The following ZFX variants were observed in gnomAD, a reference collection of about 807,000 sequenced individuals.
ZFX encodes the protein zinc finger protein X-linked.
For missense variants in ZFX, 362 were observed against 628.3 expected (o/e 0.58, Z 4.53); for synonymous variants, 196 against 226.8 (o/e 0.86, Z 1.22).
At chrX:24,172,845 A>C (rs1309112091) in intron 4 of ZFX, 45 bp downstream of exon 4, 14 of 1,125,472 alleles carry the variant, frequency 1.2e-5, no homozygotes, top group Non-Finnish European at 1.7e-5. Flanking sequence ...CCAGATTTGG[A>C]GTTGGTTGTC....
In ZFX at chrX:24,172,627, G is replaced by A. The variant is rs143088021; in HGVS notation, c.-28-88G>A. 7.3e-4 allele frequency: 446 copies of A among 614,999 alleles called. 1 individual carries two copies. In the East Asian group the frequency reaches 0.017, roughly 23 times the overall value. The allele number at this position is 614,999 out of a possible 1,213,427, so 50.7% of individuals were successfully genotyped here. A position where few individuals can be genotyped will look rare whatever the true frequency, so the allele number is the denominator to read the frequency against. On this transcript the variant is annotated intron_variant, in intron 3 of 9. Coordinates refer to ENST00000304543, the MANE Select transcript of ZFX (RefSeq NM_003410.4). ...CACATTTATCTTTCACATAATTTGA[G>A]TGTCTCAGAAATGAAACTATCATGA...
At position 24,188,959 on chromosome X, in the gene ZFX, T is replaced by C. The variant is rs1450994913; in HGVS notation, c.646+9189T>C. Among the ~76,000 whole-genome samples, 19 of 111,067 alleles carry C rather than the reference T, an allele frequency of 1.7e-4. No homozygotes were observed. The Admixed American group carries it at 1.8e-3, about 11-fold the overall frequency. On this transcript the variant is annotated intron_variant, in intron 5 of 9. Coordinates refer to ENST00000304543, the MANE Select transcript of ZFX (RefSeq NM_003410.4). ...TTCAAGCGATTCTACTGCCTCAGCC[T>C]CCCGAGTAGCTGGGACTACAAGTGC...
At chrX:24,204,018 G>A (rs1937477259) in intron 5 of ZFX, among the ~76,000 whole-genome samples, 1 of 112,162 alleles carries the variant, frequency 8.9e-6, no homozygotes, top group African/African-American at 3.2e-5. Flanking sequence ...ATCAACAAGT[G>A]CATTTTTAAG....
At chrX:24,201,070 TTGTC>T (rs774056436) in intron 5 of ZFX, among the ~76,000 whole-genome samples, 18 of 112,252 alleles carry the variant, frequency 1.6e-4, no homozygotes, top group African/African-American at 5.2e-4. Context: ...GAAGCCTTCT[TTGTC>T]TGTTTTTAGA....
rs1938113213 is a variant in ZFX, at chrX:24,211,907, T to C, written c.*531T>C. 8.8e-6 allele frequency: 1 copy of C among 113,676 alleles called. No homozygotes were observed. Among genetic ancestry groups the C allele is most frequent in the Non-Finnish European group, 1.9e-5 (1 of 53,948 alleles). The allele number at this position is 113,676 out of a possible 1,213,427, so 9.4% of individuals were successfully genotyped here. A position where few individuals can be genotyped will look rare whatever the true frequency, so the allele number is the denominator to read the frequency against. Reference sequence around the variant, plus strand: ...TTAATATTTTCAGACCACTTGACAGTGAAAGTTTCCATTTGAGCTGTTGCG... The same window carrying C: ...TTAATATTTTCAGACCACTTGACAGCGAAAGTTTCCATTTGAGCTGTTGCG... On this transcript the variant is annotated 3_prime_UTR_variant, in exon 10 of 10. Transcript: ENST00000304543.
At chrX:24,193,797 GT>G (rs1448820787) in intron 5 of ZFX, among the ~76,000 whole-genome samples, 1 of 111,766 alleles carries the variant, frequency 8.9e-6, no homozygotes, top group African/African-American at 3.3e-5. Context: ...TAAAATTATT[GT>G]TTTTTAATTA....
intron 4 of ZFX, among the ~76,000 whole-genome samples, chrX:24,176,689 C>T (rs955420134): frequency 6.3e-5 from 7 of 110,630 alleles, no homozygotes; most frequent in African/African-American, 2.0e-4. Flanking sequence ...ACCTTGGCCT[C>T]CCTAAGTGCT....
At chrX:24,201,896 A>G (rs1056142213) in intron 5 of ZFX, among the ~76,000 whole-genome samples, 1 of 112,232 alleles carries the variant, frequency 8.9e-6, no homozygotes, top group Admixed American at 9.5e-5. Flanking sequence ...GACTTTAACC[A>G]GTTGGACTCT....
chrX:24,154,272 T>G (rs779063207), intron 3 of ZFX, among the ~76,000 whole-genome samples: 6 of 111,767 alleles, frequency 5.4e-5, no homozygotes, highest in Non-Finnish European at 1.1e-4. Flanking sequence ...TTTAAAGAAA[T>G]AAAATCTCAC....
intron 5 of ZFX, among the ~76,000 whole-genome samples, chrX:24,186,747 GCTAC>G (rs1936147511): frequency 8.9e-6 from 1 of 111,815 alleles, no homozygotes; most frequent in African/African-American, 3.2e-5. Context: ...ACAGTATATA[GCTAC>G]CTTTGAGGTC....
rs920516407 is a variant in ZFX, at chrX:24,212,287, T to C, written c.*911T>C. 4 of 111,709 alleles carry C rather than the reference T, an allele frequency of 3.6e-5. No individual in the cohort carries two copies. The South Asian group carries it at 1.1e-3, about 31-fold the overall frequency. The allele number at this position is 111,709 out of a possible 1,213,427, so 9.2% of individuals were successfully genotyped here. A position where few individuals can be genotyped will look rare whatever the true frequency, so the allele number is the denominator to read the frequency against. On this transcript the variant is annotated 3_prime_UTR_variant, in exon 10 of 10. Coordinates refer to ENST00000304543, the MANE Select transcript of ZFX (RefSeq NM_003410.4). ...CTGTGTGTATTGCTTATTTTACATA[T>C]TTATACACACAACCCCAAGTAGTAG...
chrX:24,203,256 G>A (rs766720640), intron 5 of ZFX, among the ~76,000 whole-genome samples: 2 of 111,954 alleles, frequency 1.8e-5, no homozygotes, highest in Admixed American at 9.5e-5. Flanking sequence ...TACTACCTCC[G>A]TCCTGATTCA....
upstream of ZFX, chrX:24,149,390 G>C (rs1931682841): frequency 9.1e-6 from 1 of 109,764 alleles, no homozygotes; most frequent in East Asian, 2.9e-4. Context: ...GGCGGCGGCA[G>C]CGGCGCGTGT....
intron 3 of ZFX, among the ~76,000 whole-genome samples, chrX:24,165,070 G>A: frequency 8.9e-6 from 1 of 112,040 alleles, no homozygotes; most frequent in Admixed American, 9.4e-5. Flanking sequence ...AAGCGAGACT[G>A]CACTAATTTA....
At chrX:24,188,449 G>T (rs1216339714) in intron 5 of ZFX, among the ~76,000 whole-genome samples, 1 of 111,459 alleles carries the variant, frequency 9.0e-6, no homozygotes, top group Non-Finnish European at 1.9e-5. Context: ...TCTGAAGGGT[G>T]TATAAAATAA....
chrX:24,206,498 GGCGTGT>G (rs1937583030), intron 5 of ZFX, among the ~76,000 whole-genome samples: 1 of 86,137 alleles, frequency 1.2e-5, no homozygotes, highest in Non-Finnish European at 2.2e-5. Context: ...CACCATGCCT[GGCGTGT>G]GTGTGTGTGT....
At chrX:24,156,779 C>T (rs976652425) in intron 3 of ZFX, among the ~76,000 whole-genome samples, 1 of 109,131 alleles carries the variant, frequency 9.2e-6, no homozygotes, top group Admixed American at 9.8e-5. Context: ...CTCAGCCTCC[C>T]GAGTAGCTGG....
At position 24,212,377 on chromosome X, in the gene ZFX, A is replaced by C. The variant is rs1219209760; in HGVS notation, c.*1001A>C. 2 of 112,516 alleles carry C rather than the reference A, an allele frequency of 1.8e-5. No homozygotes were observed. Among genetic ancestry groups the C allele is most frequent in the African/African-American group, 6.5e-5 (2 of 30,854 alleles). 9.3% of individuals were successfully genotyped at this position (112,516 alleles called of 1,213,427 possible). ...AACATGAAAGATCCAGGGATGCATG[A>C]GAGAGCATTTTGTAAGTCATGCTCT... is the stretch of plus-strand genomic sequence containing the variant. On this transcript the variant is annotated 3_prime_UTR_variant, in exon 10 of 10. Coordinates refer to ENST00000304543, the MANE Select transcript of ZFX (RefSeq NM_003410.4).
chrX:24,158,595 A>G (rs941117521), intron 3 of ZFX, among the ~76,000 whole-genome samples: 4 of 111,356 alleles, frequency 3.6e-5, no homozygotes, highest in African/African-American at 1.3e-4. Context: ...TAAATATGAT[A>G]TTGTAGTGGG....
Sources: allele counts gnomAD v4.1 joint callset (sites outside exome capture counted in the v4.1 genomes callset), GRCh38; gene constraint gnomAD v4.1.1; transcripts MANE v1.5; gene names NCBI Gene and HGNC (gene_info 2026-07-23, HGNC 2026-07-21).